The following TGM6 variants were observed in gnomAD, a reference collection of about 807,000 sequenced individuals.
TGM6 encodes protein-glutamine gamma-glutamyltransferase 6.
In TGM6, 74 loss-of-function variants were observed where a neutral mutation model predicts 77.5. That is an observed-to-expected ratio of 0.96 (90% CI 0.79 to 1.16). The LOEUF is 1.16. TGM6 is among the 50% of genes most tolerant of loss of function. The pLI is 0.00. For synonymous variants in TGM6, 383 were observed against 378.9 expected, an observed-to-expected ratio of 1.01 and a Z score of -0.12; for missense variants, 968 against 940.2, an observed-to-expected ratio of 1.03 and a Z score of -0.39.
intron 3 of TGM6, among the ~76,000 whole-genome samples, chr20:2,396,126 G>A (rs1349629502): frequency 1.3e-5 from 2 of 148,822 alleles, no homozygotes; most frequent in South Asian, 2.1e-4. Flanking sequence ...GTTGCAGTGA[G>A]CCAAGATTGC....
intron 10 of TGM6, among the ~76,000 whole-genome samples, chr20:2,427,315 G>A (rs2084894410): frequency 6.6e-6 from 1 of 151,842 alleles, no homozygotes; most frequent in Admixed American, 6.6e-5. Flanking sequence ...TTTACTCTCT[G>A]TTTTTTTCCT....
chr20:2,398,027 C>A lies in TGM6; in HGVS notation c.653C>A (p.Thr218Asn). Reference sequence around the variant, plus strand: ...TGCCGCCACAACCCCATCTACGTCACCAGGGTCATCAGTGCCATGGTGAGA... The same window carrying A: ...TGCCGCCACAACCCCATCTACGTCAACAGGGTCATCAGTGCCATGGTGAGA... ...VSCRHNPIYV[T>N]RVISAMVNSN... Residue 218 changes from threonine (T) to asparagine (N), a missense_variant, in exon 5 of 13, where the codon ACC (threonine) becomes AAC (asparagine). Coordinates refer to ENST00000202625, the MANE Select transcript of TGM6 (RefSeq NM_198994.3). 6.2e-7 allele frequency: 1 copy of A among 1,614,150 alleles called. No homozygotes were observed. The highest frequency in any genetic ancestry group is 1.1e-5 in the South Asian group (1 of 91,070).
chr20:2,423,776 C>T (rs142033137), intron 10 of TGM6, among the ~76,000 whole-genome samples: 1 of 152,218 alleles, frequency 6.6e-6, no homozygotes, highest in Non-Finnish European at 1.5e-5. Flanking sequence ...CTATCTATGG[C>T]AGCTATGGCT....
At chr20:2,408,381 G>A (rs1419632992) in intron 9 of TGM6, among the ~76,000 whole-genome samples, 1 of 152,150 alleles carries the variant, frequency 6.6e-6, no homozygotes, top group Non-Finnish European at 1.5e-5. Flanking sequence ...CCAAACTTTT[G>A]CCTGGCCAGG....
chr20:2,431,286 T>C (rs1463916603), intron 12 of TGM6, among the ~76,000 whole-genome samples: 1 of 152,262 alleles, frequency 6.6e-6, no homozygotes, highest in Non-Finnish European at 1.5e-5. Context: ...TATCCATTTA[T>C]TCACTCACTT....
intron 9 of TGM6, among the ~76,000 whole-genome samples, chr20:2,414,737 G>A (rs2084803653): frequency 6.6e-6 from 1 of 152,166 alleles, no homozygotes; most frequent in African/African-American, 2.4e-5. Context: ...ACGCAGTACT[G>A]ATACATGCTA....
intron 10 of TGM6, among the ~76,000 whole-genome samples, chr20:2,427,427 C>CT (rs1232406551): frequency 6.6e-6 from 1 of 151,972 alleles, no homozygotes; most frequent in Non-Finnish European, 1.5e-5. Flanking sequence ...TGCCTTCTCT[C>CT]TTTTTTTTCT....
chr20:2,417,980 G>A (rs2084830416), intron 10 of TGM6, among the ~76,000 whole-genome samples: 1 of 152,030 alleles, frequency 6.6e-6, no homozygotes, highest in African/African-American at 2.4e-5. Flanking sequence ...TGTGGGAGAG[G>A]GCTGGACTGG....
At chr20:2,417,727 A>G (rs1390737939) in intron 10 of TGM6, among the ~76,000 whole-genome samples, 154 bp downstream of exon 10, 1 of 152,172 alleles carries the variant, frequency 6.6e-6, no homozygotes, top group African/African-American at 2.4e-5. Context: ...TCTTGTCCCG[A>G]CTTTACAGAT....
chr20:2,423,282 G>A (rs888540431), intron 10 of TGM6, among the ~76,000 whole-genome samples: 2 of 149,856 alleles, frequency 1.3e-5, no homozygotes, highest in South Asian at 2.2e-4. Context: ...GATGGTGTTC[G>A]ATAGCATTTT....
chr20:2,394,509 C>T lies in TGM6; in HGVS notation c.65C>T (p.Thr22Ile). 1.2e-6 allele frequency: 2 copies of T among 1,611,768 alleles called. No individual in the cohort carries two copies. The highest frequency in any genetic ancestry group is 1.1e-5 in the South Asian group (1 of 90,994). The part of the protein sequence containing the change: ...QRSRNGAAHH[T>I]QEYPCPELVV... ...TCGAGGAATGGCGCTGCCCACCACA[C>T]CCAGGAGTACCCCTGCCCTGAGCTG... Residue 22 changes from threonine to isoleucine, a missense_variant, in exon 2 of 13, where the codon ACC becomes ATC. Physicochemically the swap from Thr to Ile is moderately conservative, Grantham distance 89 (BLOSUM62 -1). Coordinates refer to ENST00000202625, the MANE Select transcript of TGM6 (RefSeq NM_198994.3).
chr20:2,407,844 A>T (rs1442304513), intron 9 of TGM6, among the ~76,000 whole-genome samples: 3 of 152,054 alleles, frequency 2.0e-5, no homozygotes, highest in Non-Finnish European at 2.9e-5. Context: ...GACCCTCCTG[A>T]GTGTCAGGCA....
intron 4 of TGM6, 39 bp from the exon 5 acceptor site, chr20:2,397,879 C>G (rs1217035407): frequency 6.2e-7 from 1 of 1,613,908 alleles, no homozygotes; most frequent in Non-Finnish European, 8.5e-7. Context: ...ATATGGGTGA[C>G]TGAACGCAGC....
At chr20:2,407,162 G>GCACTT (rs2084758037) in intron 9 of TGM6, among the ~76,000 whole-genome samples, 1 of 152,172 alleles carries the variant, frequency 6.6e-6, no homozygotes, top group African/African-American at 2.4e-5. Flanking sequence ...GCACTGCACT[G>GCACTT]CCACTATTTA....
chr20:2,402,546 T>C (rs547092491), intron 7 of TGM6, among the ~76,000 whole-genome samples: 62 of 152,280 alleles, frequency 4.1e-4, no homozygotes, highest in African/African-American at 1.4e-3. Flanking sequence ...GTTATCAGGG[T>C]CCCACCTTTA....
intron 9 of TGM6, among the ~76,000 whole-genome samples, chr20:2,404,598 C>A (rs996489624): frequency 6.6e-6 from 1 of 152,084 alleles, no homozygotes; most frequent in Admixed American, 6.5e-5. Flanking sequence ...TCCTCGCCTC[C>A]CTTTTCTGCT....
At chr20:2,428,444 A>G (rs190634644) in intron 10 of TGM6, among the ~76,000 whole-genome samples, 13 of 152,314 alleles carry the variant, frequency 8.5e-5, no homozygotes, top group Admixed American at 2.0e-4. Flanking sequence ...ATATGGTGGC[A>G]TATGATGGTT....
At chr20:2,419,254 T>G (rs984414379) in intron 10 of TGM6, among the ~76,000 whole-genome samples, 5 of 152,174 alleles carry the variant, frequency 3.3e-5, no homozygotes, top group African/African-American at 4.8e-5. Flanking sequence ...CCTTTGCCTC[T>G]CTCTCCTTTC....
chr20:2,412,770 A>T (rs1291542564), intron 9 of TGM6, among the ~76,000 whole-genome samples: 1 of 152,208 alleles, frequency 6.6e-6, no homozygotes, highest in African/African-American at 2.4e-5. Context: ...AAGAAAATAA[A>T]TCCATTTACA....
Sources: gnomAD v4.1 joint callset for allele counts (sites outside exome capture counted in the v4.1 genomes callset) on GRCh38, gnomAD v4.1.1 for gene constraint, MANE v1.5 for transcripts, NCBI Gene and HGNC (gene_info 2026-07-23, HGNC 2026-07-21) for gene names.